GAK: variants seen among roughly 807,000 people sequenced by gnomAD.
GAK encodes cyclin-G-associated kinase.
In GAK, 79 loss-of-function variants were observed where a neutral mutation model predicts 143.9. The ratio of observed to expected loss-of-function variants is 0.55; its 90% CI spans 0.46 to 0.66. The LOEUF is 0.66. Among genes scored for constraint, GAK ranks in the 30% least tolerant of loss-of-function variants. GAK has a pLI of 0.00. For missense variants in GAK, 1,693 were observed against 1,779.7 expected (o/e 0.95, Z 0.88); for synonymous variants, 881 against 765.5 (o/e 1.15, Z -2.49).
chr4:914,358 C>T (rs1389585694), intron 1 of GAK, among the ~76,000 whole-genome samples: 9 of 112,940 alleles, frequency 8.0e-5, no homozygotes, highest in African/African-American at 1.8e-4. Context: ...ACAGCCCCAG[C>T]GTGCACGGCC....
chr4:895,707 C>G (rs912830310), intron 7 of GAK, among the ~76,000 whole-genome samples: 2 of 152,254 alleles, frequency 1.3e-5, no homozygotes, highest in South Asian at 4.1e-4. Context: ...CACGCGTGGT[C>G]ACCCTCGGTC....
intron 24 of GAK, chr4:859,367 T>C (rs769038056): frequency 1.4e-6 from 2 of 1,462,426 alleles, no homozygotes; most frequent in Non-Finnish European, 1.8e-6. Context: ...CGCACCACAA[T>C]GCCGGTGGGG....
At chr4:902,917 TAACA>T (rs148004748) in intron 5 of GAK, among the ~76,000 whole-genome samples, 4,433 of 152,254 alleles carry the variant, frequency 0.029, 105 homozygotes, top group Non-Finnish European at 0.044. Context: ...CGAATGACTA[TAACA>T]AACATTCAAC....
Position 849,615 on chromosome 4 carries a change from G to A in GAK, c.*58C>T, listed in dbSNP as rs1347341907. 7.1e-7 allele frequency: 1 copy of A among 1,399,620 alleles called. No individual in the cohort carries two copies. 86.7% of individuals were successfully genotyped at this position (1,399,620 alleles called of 1,614,324 possible). A position where few individuals can be genotyped will look rare whatever the true frequency, so the allele number is the denominator to read the frequency against. ...ACGGGGTCCTCACGGTGGGGACCCA[G>A]GTCCCACGACGGCTCCCAACCTGTG... On this transcript the variant is annotated 3_prime_UTR_variant, in exon 28 of 28. Coordinates refer to ENST00000314167, the MANE Select transcript of GAK (RefSeq NM_005255.4).
At chr4:921,379 C>T (rs1228433384) in intron 1 of GAK, among the ~76,000 whole-genome samples, 1 of 152,210 alleles carries the variant, frequency 6.6e-6, no homozygotes, top group Non-Finnish European at 1.5e-5. Flanking sequence ...CAGGCCTGGG[C>T]TACCACGCCC....
Position 865,156 on chromosome 4 carries a change from T to G in GAK, c.3132A>C (p.Ala1044=). ...LGGWAAWTET[A]ASAVAPTPAT... The stretch of plus-strand genomic sequence containing the variant: ...CTGGCGTGGGGGCCACTGCCGATGC[T>G]GCAGTCTCGGTCCAGGCAGCCCATC... Residue 1044 remains alanine, a synonymous_variant, in exon 23 of 28, where the codon GCA becomes GCC. Coordinates refer to ENST00000314167, the MANE Select transcript of GAK (RefSeq NM_005255.4). 1 of 1,612,092 alleles carries G rather than the reference T, an allele frequency of 6.2e-7. No individual in the cohort carries two copies. Among genetic ancestry groups the G allele is most frequent in the Non-Finnish European group, 8.5e-7 (1 of 1,179,300 alleles).
intron 1 of GAK, among the ~76,000 whole-genome samples, chr4:926,381 C>G (rs865848290): frequency 6.6e-6 from 1 of 152,182 alleles, no homozygotes; most frequent in South Asian, 2.1e-4. Flanking sequence ...GGGCACAATG[C>G]GCAGAGCAAC....
At chr4:915,442 G>T (rs992775280) in intron 1 of GAK, 2 of 153,090 alleles carry the variant, frequency 1.3e-5, no homozygotes, top group African/African-American at 4.8e-5. Context: ...GAACAAGAGA[G>T]GGGACCTCCT....
At position 866,961 on chromosome 4, in the gene GAK, GC is replaced by G; in HGVS notation, c.2866del (p.Ala956ProfsTer35). Reference protein sequence around the residue: ...VQSTPRGGPPAAADPFGPLLP... With the variant: ...VQSTPRGGPPXAADPFGPLLP... ...TTCAGAACAGAAACACGTACCAGCG[GC>G]AGGGGGCCCTCCTCTTGGGGTGCTC... On this transcript the variant is annotated frameshift_variant, in exon 21 of 28. Transcript: ENST00000314167. LOFTEE classifies it high-confidence loss of function. 1 of 1,485,166 alleles carries G rather than the reference GC, an allele frequency of 6.7e-7. No individual in the cohort carries two copies. Among genetic ancestry groups the G allele is most frequent in the Non-Finnish European group, 9.0e-7 (1 of 1,116,870 alleles). The allele number at this position is 1,485,166 out of a possible 1,614,324, so 92.0% of individuals were successfully genotyped here.
intron 4 of GAK, among the ~76,000 whole-genome samples, chr4:908,400 C>T (rs980232931): frequency 6.6e-6 from 1 of 152,194 alleles, no homozygotes; most frequent in African/African-American, 2.4e-5. Flanking sequence ...AGGGTGCTCT[C>T]GCCAGCGATC....
intron 1 of GAK, among the ~76,000 whole-genome samples, chr4:920,289 CAG>C (rs1490419868): frequency 1.4e-5 from 2 of 145,872 alleles, no homozygotes; most frequent in African/African-American, 5.1e-5. Context: ...ACCTGGGCGA[CAG>C]AGCAAAAGTC....
chr4:856,535 A>T (rs1172390152), intron 24 of GAK, among the ~76,000 whole-genome samples: 1 of 132,460 alleles, frequency 7.5e-6, no homozygotes, highest in Non-Finnish European at 1.6e-5. Flanking sequence ...TCACCACCAC[A>T]GCTGCTCACA....
intron 8 of GAK, 51 bp downstream of exon 8, chr4:893,823 G>A (rs1718172402): frequency 2.0e-6 from 3 of 1,516,528 alleles, no homozygotes; most frequent in Non-Finnish European, 2.7e-6. Context: ...GAGCCACGCG[G>A]GGTCTGTGCT....
At chr4:851,573 C>G (rs1748144944) in intron 25 of GAK, 177 bp downstream of exon 25, 1 of 644,890 alleles carries the variant, frequency 1.6e-6, no homozygotes, top group African/African-American at 1.8e-5. Flanking sequence ...GACCCAGAGG[C>G]CTGACCCAGA....
chr4:909,977 G>A (rs1007008059), intron 4 of GAK, among the ~76,000 whole-genome samples: 2 of 151,690 alleles, frequency 1.3e-5, no homozygotes, highest in African/African-American at 2.4e-5. Flanking sequence ...GCACCCATCC[G>A]CCACCCACGT....
At chr4:921,956 A>G (rs550379320) in intron 1 of GAK, among the ~76,000 whole-genome samples, 1 of 152,304 alleles carries the variant, frequency 6.6e-6, no homozygotes, top group Non-Finnish European at 1.5e-5. Context: ...CAAAACCACA[A>G]GGAGGTATCG....
At chr4:869,567 C>G (rs1251929136) in intron 19 of GAK, 1 of 77,936 alleles carries the variant, frequency 1.3e-5, no homozygotes, top group Non-Finnish European at 2.6e-5. Context: ...AATGCACACA[C>G]ACAGATGCAC....
At chr4:921,583 G>A (rs1007245030) in intron 1 of GAK, among the ~76,000 whole-genome samples, 17 of 152,048 alleles carry the variant, frequency 1.1e-4, no homozygotes, top group African/African-American at 3.6e-4. Flanking sequence ...TCAAGATAAA[G>A]AGCTAAGAAT....
chr4:877,006 G>T, intron 17 of GAK, 84 bp downstream of exon 17: 1 of 931,686 alleles, frequency 1.1e-6, no homozygotes, highest in Non-Finnish European at 1.7e-6. Flanking sequence ...GACCCTCGGT[G>T]AGAAGTGAGC....
Sources: gnomAD v4.1 joint callset for allele counts (sites outside exome capture counted in the v4.1 genomes callset) on GRCh38, gnomAD v4.1.1 for gene constraint, MANE v1.5 for transcripts, NCBI Gene and HGNC (gene_info 2026-07-23, HGNC 2026-07-21) for gene names.